Variants in DOCK10 observed in about 807,000 individuals in gnomAD.
DOCK10 encodes dedicator of cytokinesis 10.
A neutral mutation model predicts 280.1 loss-of-function variants in DOCK10; 145 were observed. The ratio of observed to expected loss-of-function variants is 0.52; its 90% CI spans 0.45 to 0.59. The LOEUF (loss-of-function observed/expected upper bound fraction) is 0.59. DOCK10 is among the 20% of genes least tolerant of loss of function. The pLI, the probability that DOCK10 is intolerant of heterozygous loss-of-function variation, is 0.00. For synonymous variants in DOCK10, 915 were observed against 942.2 expected (o/e 0.97, Z 0.53); for missense variants, 2,368 against 2,651.7 (o/e 0.89, Z 2.35).
intron 3 of DOCK10, among the ~76,000 whole-genome samples, chr2:224,910,522 T>C (rs763663296): frequency 2.2e-4 from 33 of 152,224 alleles, no homozygotes; most frequent in Non-Finnish European, 4.4e-4. Context: ...AGTTTCTTAA[T>C]ATTTCTATGA....
intron 2 of DOCK10, 66 bp downstream of exon 2, chr2:224,931,483 G>A (rs1702372105): frequency 6.6e-7 from 1 of 1,516,078 alleles, no homozygotes; most frequent in Non-Finnish European, 8.9e-7. Flanking sequence ...GAATCTACAG[G>A]GAAAGACAAT....
chr2:224,921,092 TAAAAAAA>T (rs781152272), intron 2 of DOCK10, among the ~76,000 whole-genome samples: 4,327 of 59,340 alleles, frequency 0.073, 225 homozygotes, highest in Middle Eastern at 0.083. Flanking sequence ...CCGTCTCTAT[TAAAAAAA>T]AAAAAAAAAA....
chr2:224,857,590 T>C (rs1268836733), intron 14 of DOCK10, among the ~76,000 whole-genome samples: 1 of 152,216 alleles, frequency 6.6e-6, no homozygotes, highest in Admixed American at 6.5e-5. Context: ...TCTGTTTCAT[T>C]GGAACCAAGA....
At chr2:225,029,226 C>T (rs1307644352) in intron 1 of DOCK10, among the ~76,000 whole-genome samples, 1 of 152,182 alleles carries the variant, frequency 6.6e-6, no homozygotes, top group East Asian at 1.9e-4. Flanking sequence ...GGCTGGGGTG[C>T]AGTGGCACAA....
intron 27 of DOCK10, among the ~76,000 whole-genome samples, chr2:224,829,018 C>T (rs1336265016): frequency 6.6e-6 from 1 of 152,174 alleles, no homozygotes; most frequent in Non-Finnish European, 1.5e-5. Flanking sequence ...AGGAAAGCCC[C>T]CACTGCAACA....
intron 29 of DOCK10, 98 bp from the exon 30 acceptor site, chr2:224,816,811 G>A: frequency 1.4e-6 from 1 of 693,678 alleles, no homozygotes. Context: ...TCCCTAAAAA[G>A]AAAAAGTAGT....
chr2:224,891,188 T>C (rs1362704499), intron 4 of DOCK10, among the ~76,000 whole-genome samples: 2 of 152,216 alleles, frequency 1.3e-5, no homozygotes, highest in African/African-American at 4.8e-5. Flanking sequence ...GTGGGATTCA[T>C]TGTACACCAA....
At chr2:225,011,525 G>A (rs1177671437) in intron 1 of DOCK10, among the ~76,000 whole-genome samples, 1 of 152,196 alleles carries the variant, frequency 6.6e-6, no homozygotes, top group East Asian at 1.9e-4. Flanking sequence ...ATGACTTCAG[G>A]ACATACATGG....
chr2:224,847,205 T>C (rs941627003), intron 19 of DOCK10, among the ~76,000 whole-genome samples: 1 of 152,240 alleles, frequency 6.6e-6, no homozygotes, highest in Non-Finnish European at 1.5e-5. Flanking sequence ...TACATTTTAT[T>C]GTGCTTTTGA....
chr2:224,866,472 T>C (rs139497215), intron 11 of DOCK10, among the ~76,000 whole-genome samples: 9 of 152,312 alleles, frequency 5.9e-5, no homozygotes, highest in African/African-American at 1.4e-4. Context: ...AAGGTCACCA[T>C]TTTCCCTTTG....
At chr2:224,793,510 A>G in intron 45 of DOCK10, 53 bp from the exon 46 acceptor site, 1 of 1,429,108 alleles carries the variant, frequency 7.0e-7, no homozygotes, top group African/African-American at 1.4e-5. Context: ...TAATATAATT[A>G]GGGCTAATCT....
intron 1 of DOCK10, among the ~76,000 whole-genome samples, chr2:225,016,844 A>G (rs1052373164): frequency 6.6e-6 from 1 of 150,442 alleles, no homozygotes; most frequent in African/African-American, 2.4e-5. Flanking sequence ...CTGTGACTAT[A>G]GGTGGGCACC....
intron 42 of DOCK10, 108 bp from the exon 43 acceptor site, chr2:224,797,254 T>A (rs1008276663): frequency 3.6e-6 from 3 of 829,680 alleles, no homozygotes; most frequent in Non-Finnish European, 5.1e-6. Flanking sequence ...TTTTTTTTTT[T>A]AACTTGGTCT....
intron 3 of DOCK10, among the ~76,000 whole-genome samples, chr2:224,905,471 G>A (rs963093729): frequency 6.6e-6 from 1 of 150,494 alleles, no homozygotes; most frequent in Non-Finnish European, 1.5e-5. Context: ...GGATGGTCTC[G>A]ATCTCCTGAC....
Position 224,797,831 on chromosome 2 carries a change from C to T in DOCK10, c.4644+1G>A, listed in dbSNP as rs1395218834. 1 of 1,612,612 alleles carries T rather than the reference C, an allele frequency of 6.2e-7. No individual in the cohort carries two copies. The highest frequency in any genetic ancestry group is 2.2e-5 in the East Asian group (1 of 44,878). Reference sequence around the variant, plus strand: ...CTTCATTGAAACCTGGAGATCCTTACCTTGCATACAAACAGTCTCAAGGAG... The same window carrying T: ...CTTCATTGAAACCTGGAGATCCTTATCTTGCATACAAACAGTCTCAAGGAG... On this transcript the variant is annotated splice_donor_variant, in intron 42 of 55. Transcript: ENST00000258390. LOFTEE classifies it high-confidence loss of function.
Position 224,844,745 on chromosome 2 carries a change from A to C in DOCK10, c.2568+8T>G, listed in dbSNP as rs1348890860. 3.8e-6 allele frequency: 6 copies of C among 1,566,972 alleles called. No individual in the cohort carries two copies. The highest frequency in any genetic ancestry group is 5.2e-6 in the Non-Finnish European group (6 of 1,148,284). On this transcript the variant is annotated splice_region_variant and intron_variant, in intron 22 of 55. Coordinates refer to ENST00000258390, the MANE Select transcript of DOCK10 (RefSeq NM_014689.3). Reference sequence around the variant, plus strand: ...GAAGATGCTAGTATTTCAGGTCAACATACTCACCTGAGTATTTACTGTTGA... The same window carrying C: ...GAAGATGCTAGTATTTCAGGTCAACCTACTCACCTGAGTATTTACTGTTGA...
chr2:224,911,841 G>A (rs1462701513), intron 3 of DOCK10, among the ~76,000 whole-genome samples: 1 of 152,270 alleles, frequency 6.6e-6, no homozygotes, highest in Non-Finnish European at 1.5e-5. Context: ...TTATAAATCC[G>A]TTGTAGTTGG....
At chr2:224,885,225 C>G (rs1217691267) in intron 7 of DOCK10, among the ~76,000 whole-genome samples, 1 of 152,194 alleles carries the variant, frequency 6.6e-6, no homozygotes, top group Non-Finnish European at 1.5e-5. Flanking sequence ...GTCTCCAACT[C>G]CTGACCTCAA....
At chr2:224,852,776 T>C (rs992898118) in intron 17 of DOCK10, among the ~76,000 whole-genome samples, 159 bp downstream of exon 17, 14 of 152,238 alleles carry the variant, frequency 9.2e-5, no homozygotes, top group Non-Finnish European at 1.5e-4. Flanking sequence ...ACTTCTAAGA[T>C]AAAACTCATC....
Sources: allele counts gnomAD v4.1 joint callset (sites outside exome capture counted in the v4.1 genomes callset), GRCh38; gene constraint gnomAD v4.1.1; transcripts MANE v1.5; gene names NCBI Gene and HGNC (gene_info 2026-07-23, HGNC 2026-07-21).